NRP1: variants seen among roughly 807,000 people sequenced by gnomAD.
NRP1 encodes the protein neuropilin 1.
Under a neutral mutation model 106.7 loss-of-function variants are expected in NRP1, and 35 were observed. The ratio of observed to expected loss-of-function variants is 0.33; its 90% CI spans 0.25 to 0.43. The LOEUF is 0.43. Ranked by LOEUF, NRP1 falls within the 20% of genes least tolerant of loss-of-function variation. The probability of loss-of-function intolerance (pLI) is 1.00; values close to 1 mark genes in which losing one functional copy is unlikely to be tolerated. For missense variants in NRP1, 1,024 were observed against 1,170.4 expected, an observed-to-expected ratio of 0.87 and a Z score of 1.83; for synonymous variants, 437 against 417.9, an observed-to-expected ratio of 1.05 and a Z score of -0.56.
At chr10:33,324,504 T>C (rs1847748658) in intron 2 of NRP1, among the ~76,000 whole-genome samples, 1 of 152,244 alleles carries the variant, frequency 6.6e-6, no homozygotes, top group Non-Finnish European at 1.5e-5. Flanking sequence ...AAAGACAAGA[T>C]ATTTCCATCA....
At chr10:33,228,437 T>G (rs1020269814) in intron 6 of NRP1, among the ~76,000 whole-genome samples, 1 of 152,134 alleles carries the variant, frequency 6.6e-6, no homozygotes, top group African/African-American at 2.4e-5. Flanking sequence ...CCCTCCCAAC[T>G]TTTGAATTTT....
intron 16 of NRP1, among the ~76,000 whole-genome samples, chr10:33,182,312 T>C (rs1325392010): frequency 6.6e-6 from 1 of 152,072 alleles, no homozygotes; most frequent in African/African-American, 2.4e-5. Flanking sequence ...AGAATTTCGG[T>C]TGGTTTCAAA....
At chr10:33,270,460 G>T (rs761684959) in intron 3 of NRP1, among the ~76,000 whole-genome samples, 10 of 151,968 alleles carry the variant, frequency 6.6e-5, no homozygotes, top group Admixed American at 6.6e-5. Context: ...CTGAGTAGCT[G>T]GGATTACTGG....
chr10:33,227,113 CTTT>C (rs1839737283), intron 6 of NRP1, among the ~76,000 whole-genome samples: 2 of 152,208 alleles, frequency 1.3e-5, no homozygotes. Flanking sequence ...AGGAAAAGAC[CTTT>C]CTCACTGTTG....
chr10:33,277,951 T>A (rs11009330), intron 2 of NRP1, among the ~76,000 whole-genome samples: 1 of 152,120 alleles, frequency 6.6e-6, no homozygotes, highest in Non-Finnish European at 1.5e-5. Flanking sequence ...ATGTCTTTGA[T>A]CCAGGGCTTA....
intron 6 of NRP1, among the ~76,000 whole-genome samples, chr10:33,248,968 A>C (rs1039407351): frequency 2.6e-5 from 4 of 151,884 alleles, no homozygotes; most frequent in African/African-American, 9.7e-5. Flanking sequence ...TTTCAGCCCG[A>C]GTTGGTTTGT....
intron 12 of NRP1, 34 bp downstream of exon 12, chr10:33,197,616 T>A: frequency 6.4e-7 from 1 of 1,565,070 alleles, no homozygotes; most frequent in Non-Finnish European, 8.7e-7. Context: ...GAGAGGTACA[T>A]GGAATCTGTC....
Position 33,199,367 on chromosome 10 carries a change from C to CTATATATATATATATATATATATATATA in NRP1, c.1865-1659_1865-1658insTATATATATATATATATATATATATATA, listed in dbSNP as rs1413431395. Among the ~76,000 whole-genome samples the CTATATATATATATATATATATATATATA allele has an allele frequency of 3.7e-4, 20 of 54,288 alleles. 1 individual carries two copies. In the East Asian group the frequency reaches 4.2e-3, roughly 11 times the overall value. The allele number at this position is 54,288 out of a possible 152,430, so 35.6% of individuals were successfully genotyped here. On this transcript the variant is annotated intron_variant, in intron 11 of 16. Coordinates refer to ENST00000374867, the MANE Select transcript of NRP1 (RefSeq NM_003873.7). ...GTGCGCCACCATGCCTGGCTGTTTT[C>CTATATATATATATATATATATATATATA]TATATATATATATATATATATATTT...
chr10:33,192,485 C>G, intron 12 of NRP1, 67 bp from the exon 13 acceptor site: 1 of 1,552,280 alleles, frequency 6.4e-7, no homozygotes, highest in Non-Finnish European at 8.8e-7. Flanking sequence ...TTTAGGGTCA[C>G]AAAGGCCCTT....
intron 2 of NRP1, among the ~76,000 whole-genome samples, chr10:33,298,734 C>T (rs1344742292): frequency 5.3e-5 from 8 of 152,116 alleles, no homozygotes; most frequent in Admixed American, 5.2e-4. Context: ...TAGTTTCCTC[C>T]TTTGTAAGAT....
intron 10 of NRP1, among the ~76,000 whole-genome samples, chr10:33,207,215 T>C (rs1292088819): frequency 6.6e-6 from 1 of 152,210 alleles, no homozygotes; most frequent in East Asian, 1.9e-4. Flanking sequence ...AAGAGGGTAG[T>C]TGGTACAACT....
intron 9 of NRP1, among the ~76,000 whole-genome samples, chr10:33,208,058 T>C (rs759563711): frequency 6.6e-6 from 1 of 152,188 alleles, no homozygotes; most frequent in Non-Finnish European, 1.5e-5. Flanking sequence ...CCTGAGTAGC[T>C]TGGACTACAG....
intron 10 of NRP1, among the ~76,000 whole-genome samples, chr10:33,203,822 G>A (rs1394309381): frequency 2.5e-5 from 2 of 80,246 alleles, no homozygotes; most frequent in Non-Finnish European, 5.3e-5. Context: ...CTCACTGCAA[G>A]CTCTGCTTCC....
intron 6 of NRP1, among the ~76,000 whole-genome samples, chr10:33,242,703 C>T (rs1564415365): frequency 1.3e-5 from 2 of 152,108 alleles, no homozygotes; most frequent in Non-Finnish European, 2.9e-5. Flanking sequence ...AAACTTAAGG[C>T]TCTGTGAAAT....
intron 13 of NRP1, among the ~76,000 whole-genome samples, chr10:33,192,026 A>T (rs1836452075): frequency 6.6e-6 from 1 of 151,556 alleles, no homozygotes; most frequent in South Asian, 2.1e-4. Flanking sequence ...TAATTCATAG[A>T]TCCTTGCCCA....
intron 8 of NRP1, among the ~76,000 whole-genome samples, chr10:33,216,727 C>A (rs564662920): frequency 6.6e-6 from 1 of 152,100 alleles, no homozygotes; most frequent in Non-Finnish European, 1.5e-5. Flanking sequence ...CAGGCTTGAG[C>A]CACCATATCC....
chr10:33,238,001 T>G (rs1008826827), intron 6 of NRP1, among the ~76,000 whole-genome samples: 2 of 151,862 alleles, frequency 1.3e-5, no homozygotes, highest in African/African-American at 4.8e-5. Flanking sequence ...AGTCCAGGAG[T>G]CTAGGCTGTG....
At chr10:33,212,443 T>C (rs1838380957) in intron 9 of NRP1, 1 of 151,842 alleles carries the variant, frequency 6.6e-6, no homozygotes, top group Non-Finnish European at 1.5e-5. Flanking sequence ...ACAAATACAG[T>C]ATGAGGTCCC....
chr10:33,313,541 C>A (rs1209258451), intron 2 of NRP1, among the ~76,000 whole-genome samples: 6 of 152,166 alleles, frequency 3.9e-5, no homozygotes, highest in African/African-American at 1.4e-4. Flanking sequence ...TTGTAATATG[C>A]TCTATGGCAG....
Sources: gnomAD v4.1 joint callset for allele counts (sites outside exome capture counted in the v4.1 genomes callset) on GRCh38, gnomAD v4.1.1 for gene constraint, MANE v1.5 for transcripts, NCBI Gene and HGNC (gene_info 2026-07-23, HGNC 2026-07-21) for gene names.